ADGB: variants seen among roughly 807,000 people sequenced by gnomAD.
ADGB encodes the protein androglobin.
A neutral mutation model predicts 210.5 loss-of-function variants in ADGB; 172 were observed. The observed-to-expected ratio is 0.82, with a 90% CI of 0.72 to 0.93. The LOEUF (loss-of-function observed/expected upper bound fraction) is 0.93, where lower values mean the gene tolerates loss of function less well. Among genes scored for constraint, ADGB ranks in the 40% least tolerant of loss-of-function variants. ADGB has a pLI of 0.00. For missense variants in ADGB, 2,025 were observed against 1,964.8 expected (o/e 1.03, Z -0.58); for synonymous variants, 658 against 662.7 (o/e 0.99, Z 0.11).
rs2182787 is a variant in ADGB, at chr6:146,752,821, G to A, written c.3550+107G>A. On this transcript the variant is annotated intron_variant, in intron 27 of 35. Transcript: ENST00000397944. Reference sequence around the variant, plus strand: ...AGTAGCAAGTAACCACTTAAATTATGAAACTTCATAGTACAGTAAAATATT... The same window carrying A: ...AGTAGCAAGTAACCACTTAAATTATAAAACTTCATAGTACAGTAAAATATT... The A allele has an allele frequency of 0.013, 14,438 of 1,078,282 alleles. 1,308 individuals carry two copies. The African/African-American group carries it at 0.2, about 15-fold the overall frequency. 66.8% of individuals were successfully genotyped at this position (1,078,282 alleles called of 1,614,324 possible).
chr6:146,803,587 T>G (rs1778163961), intron 35 of ADGB: 1 of 1,401,648 alleles, frequency 7.1e-7, no homozygotes, highest in Non-Finnish European at 1.0e-6. Context: ...TGGAGACTTC[T>G]TAACCTCCTT....
At chr6:146,707,052 C>T (rs1776584393) in intron 13 of ADGB, among the ~76,000 whole-genome samples, 1 of 151,860 alleles carries the variant, frequency 6.6e-6, no homozygotes, top group African/African-American at 2.4e-5. Context: ...GTTACTATGT[C>T]AATTTTCATT....
At chr6:146,611,889 C>G (rs1158978646) in intron 1 of ADGB, among the ~76,000 whole-genome samples, 4 of 152,032 alleles carry the variant, frequency 2.6e-5, no homozygotes, top group African/African-American at 7.2e-5. Context: ...TTTATGGATA[C>G]CATTTCATGT....
At chr6:146,662,448 A>G (rs1384492140) in intron 5 of ADGB, among the ~76,000 whole-genome samples, 1 of 152,008 alleles carries the variant, frequency 6.6e-6, no homozygotes, top group Non-Finnish European at 1.5e-5. Flanking sequence ...GTTTAATTTT[A>G]AGCTTAAAAT....
At chr6:146,622,355 T>A (rs1166345964) in intron 1 of ADGB, among the ~76,000 whole-genome samples, 1 of 152,156 alleles carries the variant, frequency 6.6e-6, no homozygotes, top group African/African-American at 2.4e-5. Flanking sequence ...ACCTGGAGAT[T>A]CTGGAAAGAA....
chr6:146,807,736 T>C, intron 35 of ADGB: 1 of 663,582 alleles, frequency 1.5e-6, no homozygotes. Flanking sequence ...TTAGTTTTCC[T>C]CAGAAAGCTA....
intron 19 of ADGB, among the ~76,000 whole-genome samples, chr6:146,727,273 A>G (rs903126830): frequency 3.3e-5 from 5 of 151,610 alleles, no homozygotes; most frequent in Admixed American, 6.6e-5. Flanking sequence ...GCCCCCACAC[A>G]TGTCACACTC....
chr6:146,697,955 T>A (rs965472983), intron 12 of ADGB, among the ~76,000 whole-genome samples: 3 of 152,108 alleles, frequency 2.0e-5, no homozygotes, highest in Non-Finnish European at 4.4e-5. Context: ...CTCACAAAAT[T>A]TAGACCAAAG....
At chr6:146,809,295 C>T (rs1778264614) in intron 35 of ADGB, among the ~76,000 whole-genome samples, 1 of 152,214 alleles carries the variant, frequency 6.6e-6, no homozygotes, top group Non-Finnish European at 1.5e-5. Flanking sequence ...AAACCTCCGC[C>T]TCCTGAGTTC....
At chr6:146,744,225 C>T (rs1777196907) in intron 25 of ADGB, among the ~76,000 whole-genome samples, 1 of 152,118 alleles carries the variant, frequency 6.6e-6, no homozygotes, top group Non-Finnish European at 1.5e-5. Context: ...AGAGACACCT[C>T]AAGAGAGAAC....
Position 146,752,605 on chromosome 6 carries a change from G to A in ADGB, c.3441G>A (p.Lys1147=). ...CATCCAAACCAGATGCATTCATCAA[G>A]CTGCAGGTCCTAGAAAATGAAGAAA... ...VRTSKPDAFI[K]LQVLENEETM... The change falls in exon 27 of 36, where the codon AAG becomes AAA. Residue 1147 remains lysine (K), a synonymous_variant. Coordinates refer to ENST00000397944, the MANE Select transcript of ADGB (RefSeq NM_024694.4). 13 of 1,550,924 alleles carry A rather than the reference G, an allele frequency of 8.4e-6. No homozygotes were observed. Among genetic ancestry groups the A allele is most frequent in the Non-Finnish European group, 1.0e-5 (12 of 1,146,482 alleles).
At chr6:146,779,692 A>G (rs1777771794) in intron 29 of ADGB, among the ~76,000 whole-genome samples, 1 of 152,140 alleles carries the variant, frequency 6.6e-6, no homozygotes, top group African/African-American at 2.4e-5. Context: ...TTATCAACCA[A>G]GAATTTTCTA....
chr6:146,634,415 G>A (rs1775368889), intron 1 of ADGB, among the ~76,000 whole-genome samples: 1 of 152,042 alleles, frequency 6.6e-6, no homozygotes, highest in Non-Finnish European at 1.5e-5. Flanking sequence ...GATATGAGCT[G>A]TATAGAGATT....
At chr6:146,615,542 TCTAA>T (rs761007679) in intron 1 of ADGB, among the ~76,000 whole-genome samples, 2 of 152,228 alleles carry the variant, frequency 1.3e-5, no homozygotes, top group African/African-American at 4.8e-5. Flanking sequence ...ACTCCTTCTA[TCTAA>T]CTGTGTTTTT....
At chr6:146,600,587 A>G (rs1780539865) in intron 1 of ADGB, among the ~76,000 whole-genome samples, 1 of 151,934 alleles carries the variant, frequency 6.6e-6, no homozygotes, top group Non-Finnish European at 1.5e-5. Context: ...TAAAGTTACA[A>G]CCTCTACTTC....
At chr6:146,738,902 A>G (rs1032794384) in intron 23 of ADGB, among the ~76,000 whole-genome samples, 5 of 152,156 alleles carry the variant, frequency 3.3e-5, no homozygotes, top group African/African-American at 1.2e-4. Flanking sequence ...TTTCTTGCAA[A>G]TGATGTCTAA....
intron 1 of ADGB, among the ~76,000 whole-genome samples, chr6:146,612,177 C>A (rs1780722450): frequency 6.6e-6 from 1 of 152,146 alleles, no homozygotes; most frequent in South Asian, 2.1e-4. Context: ...GTTTTCTGTC[C>A]TTTACCTATG....
At chr6:146,643,242 C>T (rs1775545087) in intron 2 of ADGB, among the ~76,000 whole-genome samples, 1 of 150,984 alleles carries the variant, frequency 6.6e-6, no homozygotes, top group Non-Finnish European at 1.5e-5. Context: ...ACTACATCTT[C>T]CAGATAAACA....
intron 29 of ADGB, chr6:146,770,473 C>T: frequency 2.5e-6 from 1 of 392,590 alleles, no homozygotes; most frequent in Non-Finnish European, 5.6e-6. Context: ...CACTGTGCGG[C>T]CTCTTCTGAG....
Sources: allele counts gnomAD v4.1 joint callset (sites outside exome capture counted in the v4.1 genomes callset), GRCh38; gene constraint gnomAD v4.1.1; transcripts MANE v1.5; gene names NCBI Gene and HGNC (gene_info 2026-07-23, HGNC 2026-07-21).